Variants in FDFT1 observed in about 807,000 individuals in gnomAD.
FDFT1 encodes the protein farnesyl-diphosphate farnesyltransferase 1.
FDFT1 carries 68 observed loss-of-function variants against 46.8 expected under a neutral mutation model. That is an observed-to-expected ratio of 1.45 (90% CI 1.19 to 1.78). The LOEUF is 1.78. FDFT1 is among the 40% of genes most tolerant of loss of function. The probability of loss-of-function intolerance (pLI) is 0.00; values close to 1 mark genes in which losing one functional copy is unlikely to be tolerated. For synonymous variants in FDFT1, 351 were observed against 185.1 expected (o/e 1.90, Z -7.28); for missense variants, 928 against 524.4 (o/e 1.77, Z -7.52).
chr8:11,811,131 G>C (rs1273869871), intron 3 of FDFT1, among the ~76,000 whole-genome samples: 1 of 152,046 alleles, frequency 6.6e-6, no homozygotes, highest in Non-Finnish European at 1.5e-5. Flanking sequence ...AATTTATGAC[G>C]ACTAGCTGGG....
intron 3 of FDFT1, among the ~76,000 whole-genome samples, chr8:11,816,969 A>G (rs61585306): frequency 0.013 from 2,047 of 152,274 alleles, 39 homozygotes; most frequent in African/African-American, 0.046. Context: ...GAATGCTTCC[A>G]GTTTTTGCCC....
At chr8:11,823,956 G>A (rs112693927) in intron 4 of FDFT1, among the ~76,000 whole-genome samples, 2,078 of 152,028 alleles carry the variant, frequency 0.014, 51 homozygotes, top group African/African-American at 0.046. Flanking sequence ...GTGTTGCCTA[G>A]GCTGGTCTTG....
intron 3 of FDFT1, among the ~76,000 whole-genome samples, chr8:11,817,320 C>G (rs1436558141): frequency 6.6e-6 from 1 of 152,148 alleles, no homozygotes; most frequent in Non-Finnish European, 1.5e-5. Context: ...GGATATTGGC[C>G]TAAAATTCTC....
At chr8:11,803,433 T>G in intron 1 of FDFT1, 1 of 1,286,676 alleles carries the variant, frequency 7.8e-7, no homozygotes. Flanking sequence ...CCTCGGTGCT[T>G]CCTGAGTTTT....
At chr8:11,801,447 G>C (rs951789954), upstream of FDFT1, among the ~76,000 whole-genome samples, 1 of 152,140 alleles carries the variant, frequency 6.6e-6, no homozygotes, top group African/African-American at 2.4e-5. Flanking sequence ...AGCCTCCCAG[G>C]TAGCTGGGAT....
intron 3 of FDFT1, among the ~76,000 whole-genome samples, chr8:11,817,595 A>T (rs1808636684): frequency 6.6e-6 from 1 of 152,040 alleles, no homozygotes; most frequent in African/African-American, 2.4e-5. Context: ...TAGTCTTGGG[A>T]GAGTGTATGT....
At chr8:11,812,378 G>T (rs951688770) in intron 3 of FDFT1, among the ~76,000 whole-genome samples, 10 of 152,212 alleles carry the variant, frequency 6.6e-5, no homozygotes, top group Non-Finnish European at 1.2e-4. Flanking sequence ...GTTGGGGAGT[G>T]TTGTGGATGG....
At position 11,808,638 on chromosome 8, in the gene FDFT1, C is replaced by T. The variant is rs559858510; in HGVS notation, c.100-156C>T. The T allele has an allele frequency of 5.0e-6, 7 of 1,397,070 alleles. No homozygotes were observed. The East Asian group carries it at 8.4e-5, about 17-fold the overall frequency. The allele number at this position is 1,397,070 out of a possible 1,614,324, so 86.5% of individuals were successfully genotyped here. A position where few individuals can be genotyped will look rare whatever the true frequency, so the allele number is the denominator to read the frequency against. On this transcript the variant is annotated intron_variant, in intron 1 of 7. Coordinates refer to ENST00000220584, the MANE Select transcript of FDFT1 (RefSeq NM_004462.5). The stretch of plus-strand genomic sequence containing the variant: ...CACCGCCCCGCGGGGCTGCTGCTTG[C>T]CTCCTGCCGCCTGGCCCTGCAAGGA...
intron 3 of FDFT1, 103 bp from the exon 4 acceptor site, chr8:11,821,647 C>A: frequency 7.5e-7 from 1 of 1,331,410 alleles, no homozygotes; most frequent in Non-Finnish European, 1.1e-6. Context: ...TATAGATGAA[C>A]CATTGCAGTC....
rs141955095 is a variant in FDFT1 at position 11,806,224 on chromosome 8, C to T, written c.100-2570C>T. On this transcript the variant is annotated intron_variant, in intron 1 of 7. Coordinates refer to ENST00000220584, the MANE Select transcript of FDFT1 (RefSeq NM_004462.5). ...TCCATCCCTGTTTTTCTCCCGCTTGCGAGCTTTTGGGAGTGTGCTGAATCT... is the reference window on the plus strand; with the variant it reads ...TCCATCCCTGTTTTTCTCCCGCTTGTGAGCTTTTGGGAGTGTGCTGAATCT... Among the ~76,000 whole-genome samples the T allele has an allele frequency of 1.4e-3, 208 of 152,202 alleles. 1 individual carries two copies. Among genetic ancestry groups the T allele is most frequent in the African/African-American group, 4.7e-3 (197 of 41,536 alleles).
rs550218390 is a variant in FDFT1, at chr8:11,808,135, C to G, written c.100-659C>G. ...GGGGATTCTGGTCAAATCAATTTAG[C>G]AGGATTCTTGGTAAAACTGGGCGAT... is the stretch of plus-strand genomic sequence containing the variant. On this transcript the variant is annotated intron_variant, in intron 1 of 7. Coordinates refer to ENST00000220584, the MANE Select transcript of FDFT1 (RefSeq NM_004462.5). 16 of 473,412 alleles carry G rather than the reference C, an allele frequency of 3.4e-5. No homozygotes were observed. The East Asian group carries it at 1.6e-3, about 47-fold the overall frequency. 29.3% of individuals were successfully genotyped at this position (473,412 alleles called of 1,614,324 possible). A position where few individuals can be genotyped will look rare whatever the true frequency, so the allele number is the denominator to read the frequency against.
intron 1 of FDFT1, among the ~76,000 whole-genome samples, chr8:11,806,903 T>A (rs527301077): frequency 2.0e-5 from 3 of 152,328 alleles, no homozygotes; most frequent in Admixed American, 2.0e-4. Flanking sequence ...AATATTATGG[T>A]GCCCAGTAAA....
intron 3 of FDFT1, among the ~76,000 whole-genome samples, chr8:11,819,543 C>G (rs1229474534): frequency 2.0e-5 from 3 of 152,152 alleles, no homozygotes; most frequent in South Asian, 4.2e-4. Context: ...TTGTTCATTT[C>G]TTTTCATTCT....
intron 5 of FDFT1, among the ~76,000 whole-genome samples, chr8:11,829,889 C>T (rs1168704330): frequency 2.7e-5 from 4 of 147,946 alleles, no homozygotes; most frequent in Admixed American, 2.7e-4. Context: ...ACTCTTTCAC[C>T]CAGGCTGGAG....
chr8:11,812,169 G>A (rs984655633), intron 3 of FDFT1, among the ~76,000 whole-genome samples: 9 of 152,192 alleles, frequency 5.9e-5, no homozygotes, highest in African/African-American at 2.2e-4. Flanking sequence ...GATCACTGGG[G>A]CCATGGGAAT....
At chr8:11,827,459 A>C in intron 5 of FDFT1, among the ~76,000 whole-genome samples, 1 of 148,128 alleles carries the variant, frequency 6.8e-6, no homozygotes, top group South Asian at 2.1e-4. Context: ...TCAAGGTTGG[A>C]TTGAGTTGTA....
chr8:11,826,140 G>A lies in FDFT1; in HGVS notation c.627G>A (p.Leu209=). Residue 209 remains leucine, a synonymous_variant, in exon 5 of 8, where the codon CTG becomes CTA. Transcript: ENST00000220584. ...EDTERANSMG[L]FLQKTNIIRD... is the part of the protein sequence containing the mutation. ...CAGAACGTGCCAACTCTATGGGCCT[G>A]TTTTTGCAGAAAACAAACATCATCC... is the stretch of plus-strand genomic sequence containing the variant. 1.2e-6 allele frequency: 2 copies of A among 1,608,822 alleles called. No individual in the cohort carries two copies. Among genetic ancestry groups the A allele is most frequent in the Middle Eastern group, 1.7e-4 (1 of 6,038 alleles).
rs919887482 is a variant in FDFT1, at chr8:11,808,565, C to T, written c.100-229C>T. ...CCAAGGCCATGGCCCTCTTCAAGCG[C>T]ACCTTGGTGCTGAGTCCCGCCGCGG... On this transcript the variant is annotated intron_variant, in intron 1 of 7. Transcript: ENST00000220584. 1.3e-5 allele frequency: 18 copies of T among 1,366,746 alleles called. No homozygotes were observed. In the African/African-American group the frequency reaches 2.5e-4, roughly 19 times the overall value. 84.7% of individuals were successfully genotyped at this position (1,366,746 alleles called of 1,614,324 possible).
At chr8:11,823,659 C>T (rs903307475) in intron 4 of FDFT1, among the ~76,000 whole-genome samples, 5 of 152,152 alleles carry the variant, frequency 3.3e-5, no homozygotes, top group African/African-American at 9.7e-5. Flanking sequence ...CCTTGACCTT[C>T]TGGGCTCAAG....
Sources: gnomAD v4.1 joint callset for allele counts (sites outside exome capture counted in the v4.1 genomes callset) on GRCh38, gnomAD v4.1.1 for gene constraint, MANE v1.5 for transcripts, NCBI Gene and HGNC (gene_info 2026-07-23, HGNC 2026-07-21) for gene names.